The following STYXL2 variants were observed in gnomAD, a reference collection of about 807,000 sequenced individuals.
The protein encoded by STYXL2 is serine/threonine/tyrosine-interacting-like protein 2.
A neutral mutation model predicts 52.4 loss-of-function variants in STYXL2; 44 were observed. That is an observed-to-expected ratio of 0.84 (90% CI 0.66 to 1.08). STYXL2 has a LOEUF of 1.08. Ranked by LOEUF, STYXL2 falls within the 50% of genes least tolerant of loss-of-function variation. The pLI is 0.00. For missense variants in STYXL2, 1,604 were observed against 1,471.7 expected, an observed-to-expected ratio of 1.09 and a Z score of -1.47; for synonymous variants, 604 against 586.9, an observed-to-expected ratio of 1.03 and a Z score of -0.42.
intron 2 of STYXL2, among the ~76,000 whole-genome samples, chr1:167,106,888 T>G (rs1003643673): frequency 9.2e-5 from 14 of 152,258 alleles, no homozygotes; most frequent in Admixed American, 6.5e-5. Flanking sequence ...AAAACTTGCT[T>G]CCTAGCCCTT....
At position 167,126,467 on chromosome 1, in the gene STYXL2, CACG is replaced by C; in HGVS notation, c.1339_1341del (p.Asp447del). The stretch of plus-strand genomic sequence containing the variant: ...CAGCGCCTGGGAGAGCGTGAGCAGC[CACG>C]ACATCTGGGTCCTGAAGCAGCAGCT... On this transcript the variant is annotated inframe_deletion, in exon 6 of 6. Coordinates refer to ENST00000361200, the MANE Select transcript of STYXL2 (RefSeq NM_001080426.3). 1.3e-6 allele frequency: 2 copies of C among 1,597,164 alleles called. No individual in the cohort carries two copies. The highest frequency in any genetic ancestry group is 2.3e-5 in the South Asian group (2 of 88,690).
intron 3 of STYXL2, among the ~76,000 whole-genome samples, chr1:167,115,729 A>C (rs565675884): frequency 6.6e-6 from 1 of 152,284 alleles, no homozygotes; most frequent in South Asian, 2.1e-4. Context: ...AAATAGGAAC[A>C]CTTCATCTAT....
intron 2 of STYXL2, among the ~76,000 whole-genome samples, chr1:167,103,897 G>A (rs1157482590): frequency 7.2e-5 from 11 of 152,086 alleles, no homozygotes; most frequent in Non-Finnish European, 1.0e-4. Flanking sequence ...CGAGGTAGGC[G>A]GATCACAAGG....
chr1:167,113,857 C>G, intron 3 of STYXL2, 53 bp downstream of exon 3: 5 of 1,389,492 alleles, frequency 3.6e-6, no homozygotes, highest in Non-Finnish European at 5.1e-6. Flanking sequence ...ATCTGGAGAC[C>G]CTTAGAGGGG....
intron 2 of STYXL2, among the ~76,000 whole-genome samples, chr1:167,107,107 T>G (rs1184261671): frequency 6.6e-6 from 1 of 152,196 alleles, no homozygotes; most frequent in Non-Finnish European, 1.5e-5. Flanking sequence ...TTCACATGGT[T>G]GGCTGTTGGC....
chr1:167,100,976 C>T (rs1361156252), intron 2 of STYXL2, among the ~76,000 whole-genome samples: 1 of 152,174 alleles, frequency 6.6e-6, no homozygotes, highest in African/African-American at 2.4e-5. Context: ...CTTCACAGAA[C>T]CACACCTAAA....
intron 4 of STYXL2, among the ~76,000 whole-genome samples, chr1:167,118,535 G>T (rs929164223): frequency 6.6e-6 from 1 of 152,222 alleles, no homozygotes; most frequent in African/African-American, 2.4e-5. Context: ...TTCAGATACA[G>T]AAGCATTCAT....
chr1:167,094,859 A>G lies in STYXL2; in HGVS notation c.10A>G (p.Arg4Gly). Residue 4 changes from arginine to glycine, a missense_variant, in exon 2 of 6, where the codon AGA (arginine) becomes GGA (glycine). By Grantham distance (125) the Arg-to-Gly change is moderately radical (BLOSUM62 -2). Coordinates refer to ENST00000361200, the MANE Select transcript of STYXL2 (RefSeq NM_001080426.3). ...AGGTTGGCAGGTTGTCATGGCGACCAGAAAGGACACAGAGGAGGAGCAGGT... is the reference window on the plus strand; with the variant it reads ...AGGTTGGCAGGTTGTCATGGCGACCGGAAAGGACACAGAGGAGGAGCAGGT... MAT[R>G]KDTEEEQVVP... The G allele has an allele frequency of 6.2e-7, 1 of 1,613,268 alleles. No homozygotes were observed. The highest frequency in any genetic ancestry group is 8.5e-7 in the Non-Finnish European group (1 of 1,179,748).
chr1:167,101,280 G>A (rs562262545), intron 2 of STYXL2, among the ~76,000 whole-genome samples: 27 of 152,198 alleles, frequency 1.8e-4, no homozygotes, highest in Admixed American at 5.2e-4. Context: ...GTGAGTTACC[G>A]TTACATTACT....
chr1:167,105,247 G>C (rs897455241), intron 2 of STYXL2, among the ~76,000 whole-genome samples: 1 of 151,676 alleles, frequency 6.6e-6, no homozygotes, highest in Admixed American at 6.6e-5. Flanking sequence ...TACATGGATT[G>C]GTCAGTCTGC....
intron 2 of STYXL2, among the ~76,000 whole-genome samples, chr1:167,110,741 T>G (rs1667600717): frequency 1.3e-5 from 2 of 152,206 alleles, no homozygotes; most frequent in South Asian, 4.1e-4. Flanking sequence ...AATGTCAACC[T>G]CACCGGTACC....
intron 2 of STYXL2, among the ~76,000 whole-genome samples, chr1:167,095,700 A>C (rs1052703810): frequency 6.6e-6 from 1 of 152,238 alleles, no homozygotes; most frequent in African/African-American, 2.4e-5. Flanking sequence ...TCTGTCATAA[A>C]TCATAACAGG....
Position 167,125,840 on chromosome 1 carries a change from G to A in STYXL2, c.709G>A (p.Val237Ile). ...MGISRSAVLV[V>I]AYLMIFHNMA... ...CATCAGCCGGTCAGCAGTGCTGGTG[G>A]TCGCCTACCTGATGATCTTCCACAA... is the stretch of plus-strand genomic sequence containing the variant. The change falls in exon 6 of 6, where the codon GTC (valine) becomes ATC (isoleucine). Residue 237 changes from valine to isoleucine, a missense_variant. Coordinates refer to ENST00000361200, the MANE Select transcript of STYXL2 (RefSeq NM_001080426.3). 1 of 1,613,482 alleles carries A rather than the reference G, an allele frequency of 6.2e-7. No homozygotes were observed. Among genetic ancestry groups the A allele is most frequent in the Non-Finnish European group, 8.5e-7 (1 of 1,179,742 alleles).
rs1402953712 is a variant in STYXL2 at position 167,126,958 on chromosome 1, G to A, written c.1827G>A (p.Val609=). Residue 609 remains valine (V), a synonymous_variant, in exon 6 of 6, where the codon GTG becomes GTA. Coordinates refer to ENST00000361200, the MANE Select transcript of STYXL2 (RefSeq NM_001080426.3). ...GCAGTGAGAACAAGGAGGAGGTGGT[G>A]GAGCTCAGCAAGGGGGAGGACTCGG... ...KVGSENKEEV[V]ELSKGEDSAL... is the part of the protein sequence containing the mutation. 6.2e-7 allele frequency: 1 copy of A among 1,610,896 alleles called. No individual in the cohort carries two copies. The highest frequency in any genetic ancestry group is 1.7e-5 in the Admixed American group (1 of 59,792).
intron 2 of STYXL2, among the ~76,000 whole-genome samples, chr1:167,105,462 G>T (rs1667490385): frequency 6.6e-6 from 1 of 152,048 alleles, no homozygotes; most frequent in African/African-American, 2.4e-5. Context: ...AGCCCTCACT[G>T]CTTTCTAATC....
chr1:167,110,423 A>G (rs1267305814), intron 2 of STYXL2, among the ~76,000 whole-genome samples: 1 of 152,196 alleles, frequency 6.6e-6, no homozygotes, highest in Non-Finnish European at 1.5e-5. Context: ...TTATTAAGCA[A>G]CTCAAGGAAG....
In STYXL2 at chr1:167,117,522, G is replaced by A. The variant is rs138760972; in HGVS notation, c.400G>A (p.Val134Met). Residue 134 changes from valine (V) to methionine (M), a missense_variant, in exon 4 of 6, where the codon GTG becomes ATG. Transcript: ENST00000361200. ...TCGCCAAGAGGCGCCCTGGAATGAG[G>A]TGGATGAGGTCTGGCCCAATGTCTT... ...QDRQEAPWNEVDEVWPNVFIA... is the reference protein window; with the variant it reads ...QDRQEAPWNEMDEVWPNVFIA... The A allele has an allele frequency of 6.2e-7, 1 of 1,608,788 alleles. No individual in the cohort carries two copies. Among genetic ancestry groups the A allele is most frequent in the East Asian group, 2.2e-5 (1 of 44,754 alleles).
intron 2 of STYXL2, among the ~76,000 whole-genome samples, chr1:167,097,791 T>A (rs1012493645): frequency 6.6e-6 from 1 of 151,922 alleles, no homozygotes; most frequent in Non-Finnish European, 1.5e-5. Flanking sequence ...GACTAAATAC[T>A]CCAATTAAAA....
chr1:167,126,482 C>T lies in STYXL2; in HGVS notation c.1351C>T (p.Leu451=), dbSNP rs1667970761. Reference sequence around the variant, plus strand: ...CGTGAGCAGCCACGACATCTGGGTCCTGAAGCAGCAGCTGGAGCTGAACCG... The same window carrying T: ...CGTGAGCAGCCACGACATCTGGGTCTTGAAGCAGCAGCTGGAGCTGAACCG... ...ESVSSHDIWV[L]KQQLELNRPD... is the part of the protein sequence containing the mutation. The change falls in exon 6 of 6, where the codon CTG becomes TTG. Residue 451 remains leucine, a synonymous_variant. Coordinates refer to ENST00000361200, the MANE Select transcript of STYXL2 (RefSeq NM_001080426.3). 1 of 1,605,542 alleles carries T rather than the reference C, an allele frequency of 6.2e-7. No homozygotes were observed.
Sources: allele counts gnomAD v4.1 joint callset (sites outside exome capture counted in the v4.1 genomes callset), GRCh38; gene constraint gnomAD v4.1.1; transcripts MANE v1.5; gene names NCBI Gene and HGNC (gene_info 2026-07-23, HGNC 2026-07-21).